Variants in COL22A1 observed in about 807,000 individuals in gnomAD.
The protein encoded by COL22A1 is collagen type XXII alpha 1 chain.
Under a neutral mutation model 248.9 loss-of-function variants are expected in COL22A1, and 221 were observed. The observed-to-expected ratio is 0.89, with a 90% CI of 0.80 to 0.99. COL22A1 has a LOEUF of 0.99. Among genes scored for constraint, COL22A1 ranks in the 50% least tolerant of loss-of-function variants. The pLI, the probability that COL22A1 is intolerant of heterozygous loss-of-function variation, is 0.00. For missense variants in COL22A1, 2,240 were observed against 2,179.0 expected, an observed-to-expected ratio of 1.03 and a Z score of -0.56; for synonymous variants, 891 against 793.4, an observed-to-expected ratio of 1.12 and a Z score of -2.07.
At chr8:138,596,874 G>A (rs1587629553) in intron 62 of COL22A1, 30 bp downstream of exon 62, 7 of 1,605,268 alleles carry the variant, frequency 4.4e-6, no homozygotes, top group Non-Finnish European at 6.0e-6. Flanking sequence ...GCTCTTCTCT[G>A]CAAGACCGTA....
At chr8:138,590,333 T>C (rs966044251) in intron 64 of COL22A1, among the ~76,000 whole-genome samples, 4 of 152,180 alleles carry the variant, frequency 2.6e-5, no homozygotes, top group African/African-American at 9.7e-5. Context: ...TAATCTATAA[T>C]CCTGCCTAGA....
intron 55 of COL22A1, among the ~76,000 whole-genome samples, chr8:138,615,098 G>C (rs765993036): frequency 1.7e-4 from 26 of 152,206 alleles, no homozygotes; most frequent in Non-Finnish European, 2.9e-4. Context: ...GCAAAGGGCT[G>C]GTCCCTGGGG....
chr8:138,665,079 A>G (rs570257369), intron 41 of COL22A1, among the ~76,000 whole-genome samples: 16 of 152,328 alleles, frequency 1.1e-4, no homozygotes, highest in Middle Eastern at 3.4e-3. Flanking sequence ...AAGCCTACTC[A>G]TTAAATATGC....
intron 18 of COL22A1, among the ~76,000 whole-genome samples, chr8:138,757,537 A>C (rs1833117274): frequency 6.6e-6 from 1 of 152,106 alleles, no homozygotes; most frequent in Non-Finnish European, 1.5e-5. Context: ...ATTACTCTCA[A>C]CTCACCATAT....
intron 2 of COL22A1, among the ~76,000 whole-genome samples, chr8:138,881,768 T>G (rs969795299): frequency 1.3e-5 from 2 of 152,206 alleles, no homozygotes; most frequent in African/African-American, 4.8e-5. Context: ...GTGGTCTCCC[T>G]GGCTGCCCAG....
Position 138,819,275 on chromosome 8 carries a change from T to C in COL22A1, c.1245+1861A>G, listed in dbSNP as rs984941817. Among the ~76,000 whole-genome samples the C allele has an allele frequency of 3.3e-5, 5 of 152,296 alleles. No individual in the cohort carries two copies. In the East Asian group the frequency reaches 9.6e-4, roughly 29 times the overall value. On this transcript the variant is annotated intron_variant, in intron 7 of 64. Transcript: ENST00000303045. ...CAGACCAGGAAACAATTTTGCAGCATGTATAACAAATAAGCAATTAGTATA... is the reference window on the plus strand; with the variant it reads ...CAGACCAGGAAACAATTTTGCAGCACGTATAACAAATAAGCAATTAGTATA...
chr8:138,623,225 T>C (rs1373415122), intron 52 of COL22A1, among the ~76,000 whole-genome samples: 1 of 142,446 alleles, frequency 7.0e-6, no homozygotes, highest in African/African-American at 2.6e-5. Flanking sequence ...GAGTTACAAG[T>C]ATGTGTGTGT....
intron 22 of COL22A1, among the ~76,000 whole-genome samples, chr8:138,741,200 T>C (rs1002314685): frequency 9.9e-5 from 15 of 152,130 alleles, no homozygotes; most frequent in Non-Finnish European, 1.5e-5. Flanking sequence ...CAAAATCACA[T>C]CCCAGTTCAG....
chr8:138,885,505 A>C (rs1424969459), intron 1 of COL22A1, among the ~76,000 whole-genome samples: 6 of 152,292 alleles, frequency 3.9e-5, no homozygotes, highest in African/African-American at 1.2e-4. Context: ...TTAAGTCTAG[A>C]GATACGCCCC....
At chr8:138,783,944 C>T (rs1368547464) in intron 12 of COL22A1, among the ~76,000 whole-genome samples, 1 of 152,120 alleles carries the variant, frequency 6.6e-6, no homozygotes, top group Non-Finnish European at 1.5e-5. Context: ...GCTCAGAGCC[C>T]AGAGCCCAGA....
intron 19 of COL22A1, 88 bp downstream of exon 19, chr8:138,755,697 C>T (rs898138565): frequency 1.9e-5 from 27 of 1,425,238 alleles, no homozygotes; most frequent in African/African-American, 1.7e-4. Flanking sequence ...CTTGGAAGAG[C>T]GTTGCCTTAT....
At chr8:138,601,840 C>T (rs897151937) in intron 60 of COL22A1, among the ~76,000 whole-genome samples, 4 of 152,014 alleles carry the variant, frequency 2.6e-5, no homozygotes, top group Non-Finnish European at 5.9e-5. Context: ...CTTTGAATCT[C>T]TAATTGTGAT....
At chr8:138,724,561 C>A (rs1409226311) in intron 25 of COL22A1, 54 bp downstream of exon 25, 39 of 1,562,574 alleles carry the variant, frequency 2.5e-5, no homozygotes, top group Non-Finnish European at 3.3e-5. Flanking sequence ...GTGCTCCCCC[C>A]AGAGCAATGG....
At chr8:138,626,151 G>C (rs1820217896) in intron 51 of COL22A1, 39 bp downstream of exon 51, 3 of 1,502,216 alleles carry the variant, frequency 2.0e-6, no homozygotes, top group South Asian at 1.2e-5. Flanking sequence ...AGAGAAACTA[G>C]TTTGTTTTTG....
At chr8:138,807,240 C>T (rs1444083164) in intron 10 of COL22A1, among the ~76,000 whole-genome samples, 1 of 152,146 alleles carries the variant, frequency 6.6e-6, no homozygotes, top group Non-Finnish European at 1.5e-5. Context: ...CTCTTTCAAA[C>T]ACGGGATGAT....
chr8:138,711,681 G>A (rs1828979267), intron 30 of COL22A1, among the ~76,000 whole-genome samples: 1 of 152,210 alleles, frequency 6.6e-6, no homozygotes, highest in African/African-American at 2.4e-5. Flanking sequence ...AGAGAAGGAG[G>A]ATGGGAGACA....
intron 9 of COL22A1, among the ~76,000 whole-genome samples, chr8:138,808,457 G>A (rs942536543): frequency 1.3e-5 from 2 of 152,184 alleles, no homozygotes; most frequent in Admixed American, 6.5e-5. Flanking sequence ...TATGTTGACT[G>A]CTAGCGGTTC....
At chr8:138,705,390 G>A (rs1347986522) in intron 30 of COL22A1, among the ~76,000 whole-genome samples, 3 of 152,094 alleles carry the variant, frequency 2.0e-5, no homozygotes, top group African/African-American at 4.8e-5. Context: ...GGGAAAGGTC[G>A]GTTTACCACA....
intron 32 of COL22A1, among the ~76,000 whole-genome samples, chr8:138,698,708 C>T (rs1827720885): frequency 6.6e-6 from 1 of 150,576 alleles, no homozygotes. Flanking sequence ...GTGCTGTGTC[C>T]CTCATGCAGT....
Sources: allele counts gnomAD v4.1 joint callset (sites outside exome capture counted in the v4.1 genomes callset), GRCh38; gene constraint gnomAD v4.1.1; transcripts MANE v1.5; gene names NCBI Gene and HGNC (gene_info 2026-07-23, HGNC 2026-07-21).